Variants in SPMIP11 observed in about 807,000 individuals in gnomAD.
The protein encoded by SPMIP11 is sperm microtubule inner protein 11.
At chr12:48,759,651 C>G in the SPMIP11 span, among the ~76,000 whole-genome samples, 1 of 135,834 alleles carries the variant, frequency 7.4e-6, no homozygotes, top group African/African-American at 2.8e-5. Flanking sequence ...GCTTGGGCAA[C>G]AGAGTGACAC....
chr12:48,749,826 G>C, the SPMIP11 span, among the ~76,000 whole-genome samples: 3 of 150,624 alleles, frequency 2.0e-5, no homozygotes, highest in Non-Finnish European at 3.0e-5. Flanking sequence ...TGAGTAGCTG[G>C]GACTACAGGC....
the SPMIP11 span, among the ~76,000 whole-genome samples, chr12:48,741,643 T>C: frequency 4.6e-5 from 7 of 151,416 alleles, no homozygotes; most frequent in African/African-American, 2.4e-5. Context: ...AAAATGTAAG[T>C]ATTCTTTTTT....
At chr12:48,733,667 G>T in the SPMIP11 span, among the ~76,000 whole-genome samples, 1 of 151,240 alleles carries the variant, frequency 6.6e-6, no homozygotes, top group Non-Finnish European at 1.5e-5. Flanking sequence ...ATAGAGTTTG[G>T]TATCATCTGA....
chr12:48,768,158 T>C, the SPMIP11 span: 1 of 253,104 alleles, frequency 4.0e-6, no homozygotes, highest in Non-Finnish European at 7.8e-6. Context: ...TGCCTGTCTT[T>C]GTACAAAATA....
the SPMIP11 span, among the ~76,000 whole-genome samples, chr12:48,753,788 G>GCC: frequency 2.3e-4 from 33 of 140,722 alleles, no homozygotes; most frequent in African/African-American, 7.7e-4. Context: ...TGCAACCTCT[G>GCC]CCCCCCCGGG....
chr12:48,740,913 T>G, the SPMIP11 span, among the ~76,000 whole-genome samples: 1 of 151,708 alleles, frequency 6.6e-6, no homozygotes, highest in African/African-American at 2.4e-5. Flanking sequence ...AGAGATGAGG[T>G]CTCGCTATGT....
the SPMIP11 span, among the ~76,000 whole-genome samples, chr12:48,741,068 AC>A: frequency 8.3e-6 from 1 of 120,860 alleles, no homozygotes. Context: ...CATGATATTG[AC>A]TTTTTTTTTT....
At chr12:48,754,758 G>GT in the SPMIP11 span, among the ~76,000 whole-genome samples, 1 of 146,750 alleles carries the variant, frequency 6.8e-6, no homozygotes, top group Non-Finnish European at 1.5e-5. Flanking sequence ...CCTGTTTTTC[G>GT]TTTTTTGAGG....
the SPMIP11 span, chr12:48,759,099 A>G: frequency 4.9e-6 from 3 of 608,320 alleles, no homozygotes; most frequent in Non-Finnish European, 8.9e-6. Flanking sequence ...ATTGGATGTG[A>G]GTGGCTAGGA....
At chr12:48,731,230 C>T in the SPMIP11 span, among the ~76,000 whole-genome samples, 232 of 152,242 alleles carry the variant, frequency 1.5e-3, 2 homozygotes, top group African/African-American at 4.9e-3. Context: ...CGGTGGCTCA[C>T]GCCTGTAATC....
chr12:48,761,719 CTTT>C, the SPMIP11 span, among the ~76,000 whole-genome samples: 14 of 95,254 alleles, frequency 1.5e-4, no homozygotes, highest in East Asian at 6.2e-4. Flanking sequence ...ATATAACATT[CTTT>C]TTTTTTTTTT....
At chr12:48,756,798 CAG>C in the SPMIP11 span, among the ~76,000 whole-genome samples, 8 of 128,802 alleles carry the variant, frequency 6.2e-5, no homozygotes, top group African/African-American at 2.4e-4. Context: ...TTTTTTGAGA[CAG>C]AGTTTCACTC....
At chr12:48,759,351 C>T in the SPMIP11 span, 2 of 702,284 alleles carry the variant, frequency 2.8e-6, no homozygotes, top group Non-Finnish European at 5.2e-6. Flanking sequence ...TTGGGGTGGG[C>T]ATCATGCTAG....
At chr12:48,751,268 C>T in the SPMIP11 span, among the ~76,000 whole-genome samples, 2 of 152,148 alleles carry the variant, frequency 1.3e-5, no homozygotes, top group Admixed American at 6.5e-5. Context: ...ATAGAAAAAT[C>T]AAAGAGGCAA....
the SPMIP11 span, among the ~76,000 whole-genome samples, chr12:48,733,417 T>C: frequency 6.6e-6 from 1 of 152,134 alleles, no homozygotes; most frequent in Non-Finnish European, 1.5e-5. Context: ...AATATAGTAG[T>C]CCCTCCCTAT....
At chr12:48,757,362 T>A in the SPMIP11 span, among the ~76,000 whole-genome samples, 1 of 151,938 alleles carries the variant, frequency 6.6e-6, no homozygotes, top group Non-Finnish European at 1.5e-5. Context: ...TTAAAAAAAA[T>A]ATTGGCTGGG....
the SPMIP11 span, among the ~76,000 whole-genome samples, chr12:48,760,172 CCTTTT>C: frequency 1.4e-4 from 21 of 151,966 alleles, no homozygotes; most frequent in South Asian, 4.4e-3. Flanking sequence ...TGATGTTTCA[CCTTTT>C]CTTTTCTTTT....
chr12:48,759,242 C>G, the SPMIP11 span: 2,154 of 702,996 alleles, frequency 3.1e-3, 9 homozygotes, highest in Non-Finnish European at 4.2e-3. Context: ...AGGCTTCCCC[C>G]CATTATCTCA....
the SPMIP11 span, among the ~76,000 whole-genome samples, chr12:48,762,716 A>C: frequency 6.6e-6 from 1 of 152,064 alleles, no homozygotes. Context: ...AGAACAGATC[A>C]CTGATTTCCA....
Sources: allele counts gnomAD v4.1 joint callset (sites outside exome capture counted in the v4.1 genomes callset), GRCh38; gene constraint gnomAD v4.1.1; transcripts MANE v1.5; gene names NCBI Gene and HGNC (gene_info 2026-07-23, HGNC 2026-07-21).